ATP6V0D2: variants seen among roughly 807,000 people sequenced by gnomAD.
ATP6V0D2 encodes V-type proton ATPase subunit d 2.
A neutral mutation model predicts 40.0 loss-of-function variants in ATP6V0D2; 40 were observed. The ratio of observed to expected loss-of-function variants is 1.00; its 90% confidence interval spans 0.78 to 1.30. The LOEUF (loss-of-function observed/expected upper bound fraction) is 1.30. Among genes scored for constraint, ATP6V0D2 ranks in the 50% most tolerant of loss-of-function variants. The pLI is 0.00. For missense variants in ATP6V0D2, 470 were observed against 423.1 expected (o/e 1.11, Z -0.97); for synonymous variants, 179 against 156.3 (o/e 1.15, Z -1.08).
chr8:86,143,826 T>C (rs1335576922), intron 5 of ATP6V0D2, among the ~76,000 whole-genome samples: 8 of 152,110 alleles, frequency 5.3e-5, no homozygotes, highest in Admixed American at 4.6e-4. Context: ...CCTCTGACAC[T>C]ATGAGCAATG....
chr8:86,128,224 C>T (rs184674826), intron 2 of ATP6V0D2, among the ~76,000 whole-genome samples: 138 of 152,264 alleles, frequency 9.1e-4, no homozygotes, highest in African/African-American at 3.0e-3. Flanking sequence ...TGGTGGGTGC[C>T]TGTAATCCCA....
At chr8:86,107,939 G>T (rs1368178415) in intron 1 of ATP6V0D2, among the ~76,000 whole-genome samples, 2 of 152,146 alleles carry the variant, frequency 1.3e-5, no homozygotes, top group Non-Finnish European at 2.9e-5. Context: ...ATCTTCCGGT[G>T]TATTTATTAA....
At chr8:86,133,255 A>G (rs1172167267) in intron 2 of ATP6V0D2, among the ~76,000 whole-genome samples, 1 of 151,238 alleles carries the variant, frequency 6.6e-6, no homozygotes, top group African/African-American at 2.4e-5. Flanking sequence ...AATGCCCCCA[A>G]GGAAAGGCTG....
At chr8:86,151,623 T>C (rs1012948792) in intron 7 of ATP6V0D2, 83 bp downstream of exon 7, 10 of 1,094,274 alleles carry the variant, frequency 9.1e-6, no homozygotes, top group Admixed American at 2.3e-5. Context: ...GTTTTCTTTT[T>C]ACAGCTGATC....
At chr8:86,109,998 G>T (rs1818511501) in intron 1 of ATP6V0D2, among the ~76,000 whole-genome samples, 1 of 151,964 alleles carries the variant, frequency 6.6e-6, no homozygotes, top group Admixed American at 6.6e-5. Flanking sequence ...TATTTCTTTG[G>T]CTTCAATTCT....
chr8:86,128,400 G>A (rs1019494324), intron 2 of ATP6V0D2, among the ~76,000 whole-genome samples: 1 of 152,170 alleles, frequency 6.6e-6, no homozygotes, highest in Non-Finnish European at 1.5e-5. Context: ...TGTAGCTCCT[G>A]TGATCAAGCC....
At chr8:86,134,006 C>T (rs1818863729) in intron 2 of ATP6V0D2, among the ~76,000 whole-genome samples, 1 of 152,012 alleles carries the variant, frequency 6.6e-6, no homozygotes, top group Admixed American at 6.6e-5. Flanking sequence ...CAATGAAATC[C>T]AGGCCAAGAC....
intron 2 of ATP6V0D2, among the ~76,000 whole-genome samples, chr8:86,120,345 G>A (rs987746836): frequency 1.3e-5 from 2 of 152,052 alleles, no homozygotes; most frequent in African/African-American, 4.8e-5. Context: ...AGGCTGCAGA[G>A]CCATGGTCAT....
chr8:86,150,927 C>A (rs551443107), intron 6 of ATP6V0D2, among the ~76,000 whole-genome samples: 17 of 152,308 alleles, frequency 1.1e-4, no homozygotes, highest in African/African-American at 3.1e-4. Context: ...GCTAGAATGA[C>A]ACTCATCTTT....
Position 86,147,816 on chromosome 8 carries a change from G to A in ATP6V0D2, c.640-2296G>A, listed in dbSNP as rs550804242. 2.9e-4 allele frequency among the ~76,000 whole-genome samples: 44 copies of A among 152,316 alleles called. 1 individual carries two copies. The South Asian group carries it at 6.0e-3, about 21-fold the overall frequency. ...TTTCAGCATGCAGAGTTATGGAACA[G>A]AGCACATGCACGGTAGGCTAAGGGA... On this transcript the variant is annotated intron_variant, in intron 5 of 7. Coordinates refer to ENST00000285393, the MANE Select transcript of ATP6V0D2 (RefSeq NM_152565.1).
At chr8:86,139,078 A>G (rs1818937801) in intron 2 of ATP6V0D2, among the ~76,000 whole-genome samples, 1 of 152,080 alleles carries the variant, frequency 6.6e-6, no homozygotes, top group Non-Finnish European at 1.5e-5. Flanking sequence ...AAATACAAAA[A>G]TTAGCTGGGT....
Position 86,139,605 on chromosome 8 carries a change from T to A in ATP6V0D2, c.451T>A (p.Phe151Ile). 1 of 1,609,360 alleles carries A rather than the reference T, an allele frequency of 6.2e-7. No individual in the cohort carries two copies. Among genetic ancestry groups the A allele is most frequent in the East Asian group, 2.2e-5 (1 of 44,718 alleles). Residue 151 changes from phenylalanine (F) to isoleucine (I), a missense_variant, in exon 3 of 8, where the codon TTT (phenylalanine) becomes ATT (isoleucine). By Grantham distance (21) the Phe-to-Ile change is conservative. Coordinates refer to ENST00000285393, the MANE Select transcript of ATP6V0D2 (RefSeq NM_152565.1). ...VNIAETPSDL[F>I]NAILIETPLA... ...CATTGCAGAGACACCTTCAGATCTC[T>A]TTAATGCCATTCTGATCGAAACGCC...
At chr8:86,105,701 G>A (rs1295831039) in intron 1 of ATP6V0D2, among the ~76,000 whole-genome samples, 6 of 140,308 alleles carry the variant, frequency 4.3e-5, no homozygotes, top group Admixed American at 7.8e-5. Flanking sequence ...TGCAAGCTCC[G>A]CCTCCCAGGT....
chr8:86,098,943 C>T lies in ATP6V0D2; in HGVS notation c.-36C>T, dbSNP rs778529512. ...TCAGGGGCCGTCCAGGACTACAGAG[C>T]TGTTTCACCCTACCTTGGCTTCAAT... is the stretch of plus-strand genomic sequence containing the variant. On this transcript the variant is annotated 5_prime_UTR_variant, in exon 1 of 8. Transcript: ENST00000285393. 6.2e-7 allele frequency: 1 copy of T among 1,607,054 alleles called. No homozygotes were observed. Among genetic ancestry groups the T allele is most frequent in the Non-Finnish European group, 8.5e-7 (1 of 1,176,900 alleles).
intron 2 of ATP6V0D2, among the ~76,000 whole-genome samples, chr8:86,137,228 A>AC (rs1818910408): frequency 6.6e-6 from 1 of 151,862 alleles, no homozygotes. Context: ...TTCTCTGATG[A>AC]CCCCTTAGTT....
intron 2 of ATP6V0D2, among the ~76,000 whole-genome samples, chr8:86,135,389 T>C (rs1280662205): frequency 6.6e-6 from 1 of 152,166 alleles, no homozygotes; most frequent in Non-Finnish European, 1.5e-5. Context: ...CAAATGGAAA[T>C]GTTAAAATAT....
At chr8:86,115,966 A>G (rs560317840) in intron 2 of ATP6V0D2, among the ~76,000 whole-genome samples, 2 of 152,278 alleles carry the variant, frequency 1.3e-5, no homozygotes, top group African/African-American at 4.8e-5. Flanking sequence ...CAAATTTCCT[A>G]TTATTGACAG....
chr8:86,147,629 G>A (rs544450552), intron 5 of ATP6V0D2, among the ~76,000 whole-genome samples: 3 of 152,238 alleles, frequency 2.0e-5, no homozygotes, highest in Admixed American at 1.3e-4. Context: ...TTACCCAAAA[G>A]AGCCTCTAGA....
At chr8:86,105,324 G>A (rs115698971) in intron 1 of ATP6V0D2, among the ~76,000 whole-genome samples, 2 of 152,030 alleles carry the variant, frequency 1.3e-5, no homozygotes, top group East Asian at 1.9e-4. Context: ...TTTTAAGACG[G>A]TCTGGCTCTG....
Sources: allele counts gnomAD v4.1 joint callset (sites outside exome capture counted in the v4.1 genomes callset), GRCh38; gene constraint gnomAD v4.1.1; transcripts MANE v1.5; gene names NCBI Gene and HGNC (gene_info 2026-07-23, HGNC 2026-07-21).